Variants in CREG1 observed in about 807,000 individuals in gnomAD.
CREG1 encodes protein CREG1.
Under a neutral mutation model 19.9 loss-of-function variants are expected in CREG1, and 20 were observed. That is an observed-to-expected ratio of 1.01 (90% confidence interval 0.71 to 1.46). The LOEUF (loss-of-function observed/expected upper bound fraction) is 1.46, where lower values mean the gene tolerates loss of function less well. Among genes scored for constraint, CREG1 ranks in the 40% most tolerant of loss-of-function variants. The pLI, the probability that CREG1 is intolerant of heterozygous loss-of-function variation, is 0.00. For synonymous variants in CREG1, 141 were observed against 143.3 expected (o/e 0.98, Z 0.12); for missense variants, 290 against 314.9 (o/e 0.92, Z 0.60).
intron 3 of CREG1, among the ~76,000 whole-genome samples, chr1:167,542,562 C>G (rs41318753): frequency 0.01 from 1,598 of 152,326 alleles, 34 homozygotes; most frequent in African/African-American, 0.036. Context: ...GATTCTGACA[C>G]ACTGATAAAC....
rs966281968 is a variant in CREG1 at position 167,542,014 on chromosome 1, T to C, written c.*284A>G. ...TCAAGAGCACCACTGGAAACATCTT[T>C]GGAATTGATGGGACAAAACTTATTT... On this transcript the variant is annotated 3_prime_UTR_variant, in exon 4 of 4. Coordinates refer to ENST00000370509, the MANE Select transcript of CREG1 (RefSeq NM_003851.3). 6 of 312,364 alleles carry C rather than the reference T, an allele frequency of 1.9e-5. No homozygotes were observed. The highest frequency in any genetic ancestry group is 3.5e-5 in the Non-Finnish European group (6 of 169,752). 19.3% of individuals were successfully genotyped at this position (312,364 alleles called of 1,614,324 possible).
chr1:167,544,430 G>C (rs989741992), intron 3 of CREG1, among the ~76,000 whole-genome samples: 1 of 152,020 alleles, frequency 6.6e-6, no homozygotes, highest in African/African-American at 2.4e-5. Flanking sequence ...TAAATGCTAA[G>C]AATTTAAGCC....
In CREG1 at chr1:167,544,522, G is replaced by A. The variant is rs528050122; in HGVS notation, c.659+1579C>T. On this transcript the variant is annotated intron_variant, in intron 3 of 3. Transcript: ENST00000370509. The stretch of plus-strand genomic sequence containing the variant: ...AAACAGCAGTCAATCATTACAAGCA[G>A]AAAGTGCATTATAAATTACACTGAG... Among the ~76,000 whole-genome samples the A allele has an allele frequency of 2.6e-5, 4 of 152,136 alleles. No homozygotes were observed. In the East Asian group the frequency reaches 7.7e-4, roughly 29 times the overall value.
chr1:167,548,527 T>C (rs1258902577), intron 1 of CREG1, among the ~76,000 whole-genome samples: 1 of 152,244 alleles, frequency 6.6e-6, no homozygotes, highest in East Asian at 1.9e-4. Context: ...ATTGGCTAAC[T>C]ACGCGATTTA....
chr1:167,550,585 G>C (rs760542082), intron 1 of CREG1, among the ~76,000 whole-genome samples: 1 of 152,166 alleles, frequency 6.6e-6, no homozygotes, highest in Non-Finnish European at 1.5e-5. Context: ...GATTTGGGGA[G>C]GCAGTGAGAA....
chr1:167,547,479 A>G (rs1656348914), intron 2 of CREG1, among the ~76,000 whole-genome samples: 1 of 152,208 alleles, frequency 6.6e-6, no homozygotes, highest in Non-Finnish European at 1.5e-5. Context: ...GGCTTCAGAA[A>G]ATCATTCATT....
chr1:167,543,371 C>T (rs1490086514), intron 3 of CREG1, among the ~76,000 whole-genome samples: 1 of 152,166 alleles, frequency 6.6e-6, no homozygotes, highest in Admixed American at 6.5e-5. Flanking sequence ...ATGAGGCAAA[C>T]CACATTCAGT....
At chr1:167,542,438 T>C (rs1656242128) in intron 3 of CREG1, 137 bp from the exon 4 acceptor site, 2 of 804,500 alleles carry the variant, frequency 2.5e-6, no homozygotes, top group East Asian at 5.7e-5. Context: ...CACTAGAATA[T>C]ACTAAATAAC....
In CREG1 at chr1:167,553,462, C is replaced by A; in HGVS notation, c.280G>T (p.Gly94Trp). The A allele has an allele frequency of 9.4e-6, 14 of 1,482,164 alleles. No individual in the cohort carries two copies. The highest frequency in any genetic ancestry group is 2.9e-5 in the East Asian group (1 of 34,082). 91.8% of individuals were successfully genotyped at this position (1,482,164 alleles called of 1,614,324 possible). The change falls in exon 1 of 4, where the codon GGG becomes TGG. Residue 94 changes from glycine to tryptophan, a missense_variant. Gly to Trp is a radical substitution (Grantham distance 184). Transcript: ENST00000370509. ...PFADVLSLSD[G>W]PPGAGSGVPY... ...ACGCCGCTGCCCGCGCCCGGGGGCC[C>A]GTCGCTGAGCGAGAGGACGTCGGCG...
intron 3 of CREG1, among the ~76,000 whole-genome samples, 183 bp from the exon 4 acceptor site, chr1:167,542,484 C>T (rs78534055): frequency 3.3e-5 from 5 of 152,136 alleles, no homozygotes; most frequent in Non-Finnish European, 5.9e-5. Flanking sequence ...TCCTGAGTTT[C>T]GGTTTCAATA....
chr1:167,553,509 TC>T lies in CREG1; in HGVS notation c.232del (p.Glu78ArgfsTer30). The part of the protein sequence containing the change: ...WGALATISTL[E>X]AVRGRPFADV... ...GGCGAAGGGCCGGCCGCGCACCGCC[TC>T]CAGCGTGGAGATGGTGGCCAGAGCG... is the stretch of plus-strand genomic sequence containing the variant. On this transcript the variant is annotated frameshift_variant, in exon 1 of 4. Transcript: ENST00000370509. LOFTEE classifies it high-confidence loss of function. 1.3e-6 allele frequency: 2 copies of T among 1,490,088 alleles called. No individual in the cohort carries two copies. Among genetic ancestry groups the T allele is most frequent in the Non-Finnish European group, 1.8e-6 (2 of 1,127,640 alleles). 92.3% of individuals were successfully genotyped at this position (1,490,088 alleles called of 1,614,324 possible).
chr1:167,553,694 C>T lies in CREG1; in HGVS notation c.48G>A (p.Leu16=), dbSNP rs969490446. 24 of 1,314,188 alleles carry T rather than the reference C, an allele frequency of 1.8e-5. No individual in the cohort carries two copies. The highest frequency in any genetic ancestry group is 3.1e-5 in the East Asian group (1 of 32,178). 81.4% of individuals were successfully genotyped at this position (1,314,188 alleles called of 1,614,324 possible). ...GCAGCGCCAACAGCGTCGACGCCAG[C>T]AGGGCGGCGAGCAGTGCGCGCGCGG... ...RGSARALLAA[L]LASTLLALLV... Residue 16 remains leucine (L), a synonymous_variant, in exon 1 of 4, where the codon CTG becomes CTA. Coordinates refer to ENST00000370509, the MANE Select transcript of CREG1 (RefSeq NM_003851.3).
chr1:167,551,227 T>C (rs3767443), intron 1 of CREG1, among the ~76,000 whole-genome samples: 37,422 of 152,092 alleles, frequency 0.25, 5,316 homozygotes, highest in Middle Eastern at 0.35. Flanking sequence ...ATTTTACACA[T>C]GAGAAATGGT....
intron 3 of CREG1, among the ~76,000 whole-genome samples, chr1:167,544,181 C>T (rs1229430): frequency 0.63 from 95,339 of 151,974 alleles, 29,919 homozygotes; most frequent in South Asian, 0.69. Context: ...GCATGCACAG[C>T]AGCAAAACAA....
At chr1:167,546,927 T>C (rs1189750737) in intron 2 of CREG1, among the ~76,000 whole-genome samples, 1 of 152,234 alleles carries the variant, frequency 6.6e-6, no homozygotes, top group Non-Finnish European at 1.5e-5. Context: ...GTTTAGCATA[T>C]TTATCCCATA....
At chr1:167,545,468 G>A (rs4657668) in intron 3 of CREG1, among the ~76,000 whole-genome samples, 85,220 of 152,008 alleles carry the variant, frequency 0.56, 24,705 homozygotes, top group South Asian at 0.7. Flanking sequence ...TCACAGATAC[G>A]TTCATATCAT....
intron 2 of CREG1, among the ~76,000 whole-genome samples, chr1:167,547,331 T>C (rs1483842448): frequency 6.6e-6 from 1 of 152,208 alleles, no homozygotes; most frequent in Non-Finnish European, 1.5e-5. Flanking sequence ...TGTTAAAATA[T>C]GGAGACAAGG....
intron 1 of CREG1, among the ~76,000 whole-genome samples, chr1:167,551,677 G>A (rs1300395122): frequency 6.6e-6 from 1 of 152,234 alleles, no homozygotes; most frequent in Non-Finnish European, 1.5e-5. Context: ...GGAGTGGTTT[G>A]TGGGGAGGCG....
chr1:167,547,080 A>G (rs1031201711), intron 2 of CREG1, among the ~76,000 whole-genome samples: 1 of 152,246 alleles, frequency 6.6e-6, no homozygotes, highest in African/African-American at 2.4e-5. Context: ...TGCATCCACA[A>G]AGAATTTACA....
Sources: gnomAD v4.1 joint callset for allele counts (sites outside exome capture counted in the v4.1 genomes callset) on GRCh38, gnomAD v4.1.1 for gene constraint, MANE v1.5 for transcripts, NCBI Gene and HGNC (gene_info 2026-07-23, HGNC 2026-07-21) for gene names.